Variants in CSNK1G2 observed in about 807,000 individuals in gnomAD.
CSNK1G2 encodes casein kinase 1 gamma 2, also known as casein kinase I isoform gamma-2.
Under a neutral mutation model 48.0 loss-of-function variants are expected in CSNK1G2, and 11 were observed. That is an observed-to-expected ratio of 0.23 (90% CI 0.14 to 0.38). The LOEUF (loss-of-function observed/expected upper bound fraction) is 0.38. CSNK1G2 is among the 10% of genes least tolerant of loss of function. The pLI, the probability that CSNK1G2 is intolerant of heterozygous loss-of-function variation, is 1.00. For missense variants in CSNK1G2, 446 were observed against 595.5 expected, an observed-to-expected ratio of 0.75 and a Z score of 2.61; for synonymous variants, 337 against 254.1, an observed-to-expected ratio of 1.33 and a Z score of -3.10.
At chr19:1,941,617 C>A (rs115837476) in intron 1 of CSNK1G2, among the ~76,000 whole-genome samples, 199 bp downstream of exon 1, 1 of 144,514 alleles carries the variant, frequency 6.9e-6, no homozygotes, top group African/African-American at 2.7e-5. Flanking sequence ...CAGGGCCCCA[C>A]CGCCGCAACA....
chr19:1,947,973 C>T (rs1328705497), intron 1 of CSNK1G2, among the ~76,000 whole-genome samples: 2 of 143,884 alleles, frequency 1.4e-5, no homozygotes, highest in African/African-American at 5.2e-5. Context: ...TCCTCGTGCC[C>T]GGGCACTGGC....
chr19:1,949,635 C>T (rs1219017492), intron 1 of CSNK1G2, among the ~76,000 whole-genome samples: 1 of 152,238 alleles, frequency 6.6e-6, no homozygotes, highest in Non-Finnish European at 1.5e-5. Flanking sequence ...GGACTTCTAG[C>T]GGTGGAACCG....
chr19:1,966,587 G>T (rs1002530743), intron 1 of CSNK1G2, among the ~76,000 whole-genome samples: 1 of 152,146 alleles, frequency 6.6e-6, no homozygotes, highest in African/African-American at 2.4e-5. Context: ...AGCCGCGGCC[G>T]GGTTGAGAGG....
In CSNK1G2 at chr19:1,969,896, G is replaced by T; in HGVS notation, c.124G>T (p.Val42Leu). The T allele has an allele frequency of 7.6e-7, 1 of 1,312,508 alleles. No individual in the cohort carries two copies. Among genetic ancestry groups the T allele is most frequent in the Non-Finnish European group, 9.8e-7 (1 of 1,022,136 alleles). 81.3% of individuals were successfully genotyped at this position (1,312,508 alleles called of 1,614,324 possible). A position where few individuals can be genotyped will look rare whatever the true frequency, so the allele number is the denominator to read the frequency against. The part of the protein sequence containing the change: ...SSGTSSGVLM[V>L]GPNFRVGKKI... ...GGGGACCAGCTCGGGGGTCCTGATG[G>T]TGGGCCCCAACTTCCGCGTCGGCAA... The change falls in exon 2 of 12, where the codon GTG becomes TTG. Residue 42 changes from valine to leucine, a missense_variant. By Grantham distance (32) the Val-to-Leu change is conservative (BLOSUM62 1). Around this residue, in one of 2 missense-constraint regions of CSNK1G2, gnomAD observed 258 missense variants for 415.9 expected, o/e 0.62. Coordinates refer to ENST00000255641, the MANE Select transcript of CSNK1G2 (RefSeq NM_001319.7).
At position 1,981,315 on chromosome 19, in the gene CSNK1G2, A is replaced by G. The variant is rs2015984222; in HGVS notation, c.*1112A>G. 6.6e-6 allele frequency: 1 copy of G among 152,178 alleles called. No individual in the cohort carries two copies. The highest frequency in any genetic ancestry group is 1.5e-5 in the Non-Finnish European group (1 of 68,026). 9.4% of individuals were successfully genotyped at this position (152,178 alleles called of 1,614,324 possible). A position where few individuals can be genotyped will look rare whatever the true frequency, so the allele number is the denominator to read the frequency against. Reference sequence around the variant, plus strand: ...ATAGAATTTAGGGGCTTTTTTAAAAAAATAAAAGAAAAATGAAACCAAACC... The same window carrying G: ...ATAGAATTTAGGGGCTTTTTTAAAAGAATAAAAGAAAAATGAAACCAAACC... On this transcript the variant is annotated 3_prime_UTR_variant, in exon 12 of 12. Coordinates refer to ENST00000255641, the MANE Select transcript of CSNK1G2 (RefSeq NM_001319.7).
At chr19:1,963,879 C>T (rs1322765902) in intron 1 of CSNK1G2, among the ~76,000 whole-genome samples, 2 of 146,174 alleles carry the variant, frequency 1.4e-5, no homozygotes. Flanking sequence ...TGCAATGGCA[C>T]GATCTTGGCT....
Position 1,952,295 on chromosome 19 carries a change from C to T in CSNK1G2, c.-266+10877C>T, listed in dbSNP as rs561022670. Among the ~76,000 whole-genome samples, 8 of 150,272 alleles carry T rather than the reference C, an allele frequency of 5.3e-5. 1 individual carries two copies. In the South Asian group the frequency reaches 1.5e-3, roughly 28 times the overall value. On this transcript the variant is annotated intron_variant, in intron 1 of 11. Transcript: ENST00000255641. ...GTGAGCACTGATGATGCCCGAGTGG[C>T]GGAGGGCGGGATGCTTCCACGTGCT...
chr19:1,958,145 G>A (rs1449546951), intron 1 of CSNK1G2, among the ~76,000 whole-genome samples: 1 of 152,020 alleles, frequency 6.6e-6, no homozygotes, highest in Non-Finnish European at 1.5e-5. Context: ...AGCCTCATGG[G>A]GCACCTGCCT....
chr19:1,953,773 C>G (rs2014873006), intron 1 of CSNK1G2: 1 of 467,694 alleles, frequency 2.1e-6, no homozygotes, highest in Non-Finnish European at 4.5e-6. Flanking sequence ...GCCTTGCCCC[C>G]TCCCCCCGCA....
intron 2 of CSNK1G2, among the ~76,000 whole-genome samples, chr19:1,973,709 T>G (rs2015655361): frequency 6.6e-6 from 1 of 152,226 alleles, no homozygotes; most frequent in Non-Finnish European, 1.5e-5. Context: ...AATCTTTGAT[T>G]GCTTAGTGGC....
At chr19:1,954,935 C>G (rs2014930210) in intron 1 of CSNK1G2, among the ~76,000 whole-genome samples, 1 of 152,116 alleles carries the variant, frequency 6.6e-6, no homozygotes, top group African/African-American at 2.4e-5. Context: ...GGGGTTGTTG[C>G]TTTTCGCTGT....
chr19:1,955,260 G>GC (rs1354983630), intron 1 of CSNK1G2, among the ~76,000 whole-genome samples: 1 of 152,062 alleles, frequency 6.6e-6, no homozygotes, highest in African/African-American at 2.4e-5. Flanking sequence ...ACGGAACACA[G>GC]CCCAGGGTGG....
chr19:1,962,368 T>C (rs1205893929), intron 1 of CSNK1G2, among the ~76,000 whole-genome samples: 1 of 149,646 alleles, frequency 6.7e-6, no homozygotes, highest in African/African-American at 2.5e-5. Context: ...AGCATGGCTG[T>C]GCCCAGAAGC....
In CSNK1G2 at chr19:1,980,727, G is replaced by A; in HGVS notation, c.*524G>A. On this transcript the variant is annotated 3_prime_UTR_variant, in exon 12 of 12. Coordinates refer to ENST00000255641, the MANE Select transcript of CSNK1G2 (RefSeq NM_001319.7). ...GAGGGGGACAGGCATTGTTGCCAGG[G>A]GTGAGGCCGTGCCCCAGGCCTCCCC... 6.3e-6 allele frequency: 1 copy of A among 159,464 alleles called. No individual in the cohort carries two copies. Among genetic ancestry groups the A allele is most frequent in the South Asian group, 1.7e-4 (1 of 6,006 alleles). The allele number at this position is 159,464 out of a possible 1,614,324, so 9.9% of individuals were successfully genotyped here.
At chr19:1,961,617 G>T (rs1413210391) in intron 1 of CSNK1G2, among the ~76,000 whole-genome samples, 1 of 152,210 alleles carries the variant, frequency 6.6e-6, no homozygotes, top group Non-Finnish European at 1.5e-5. Flanking sequence ...CCCCAAAGCG[G>T]CACGGCGCCC....
At chr19:1,973,636 G>A (rs2015653182) in intron 2 of CSNK1G2, among the ~76,000 whole-genome samples, 1 of 152,222 alleles carries the variant, frequency 6.6e-6, no homozygotes, top group Admixed American at 6.5e-5. Context: ...TGCGGCTGCT[G>A]CTGCTGCTGC....
In CSNK1G2 at chr19:1,957,705, G is replaced by C. The variant is rs924049707; in HGVS notation, c.-265-11803G>C. On this transcript the variant is annotated intron_variant, in intron 1 of 11. Coordinates refer to ENST00000255641, the MANE Select transcript of CSNK1G2 (RefSeq NM_001319.7). This position sits in a 1 kb window ranked among gnomAD's most constrained non-coding sequence, Gnocchi z 5.4. ...GGTGACTGCAGACGTGGGCACAGAG[G>C]GGCCTCTGAGGGCGTCTGGCGGCAT... Among the ~76,000 whole-genome samples the C allele has an allele frequency of 6.6e-6, 1 of 152,130 alleles. No individual in the cohort carries two copies. The highest frequency in any genetic ancestry group is 2.4e-5 in the African/African-American group (1 of 41,424).
chr19:1,946,202 C>A (rs998789934), intron 1 of CSNK1G2, among the ~76,000 whole-genome samples: 1 of 152,022 alleles, frequency 6.6e-6, no homozygotes, highest in Admixed American at 6.5e-5. Context: ...GTGAGGGCAG[C>A]GGGAAGAAAG....
At chr19:1,953,381 C>T (rs761885233) in intron 1 of CSNK1G2, 2 of 533,884 alleles carry the variant, frequency 3.7e-6, no homozygotes, top group African/African-American at 3.8e-5. Context: ...TGGGGGTGTT[C>T]TCACTTCCCC....
Sources: allele counts gnomAD v4.1 joint callset (sites outside exome capture counted in the v4.1 genomes callset), GRCh38; gene constraint gnomAD v4.1.1; regional missense constraint gnomAD v4.1.1; non-coding constraint Gnocchi (gnomAD v3.1); transcripts MANE v1.5; gene names NCBI Gene and HGNC (gene_info 2026-07-23, HGNC 2026-07-21).